The following HDAC9 variants were observed in gnomAD, a reference collection of about 807,000 sequenced individuals.
HDAC9 encodes MEF-2 interacting transcription repressor (MITR) protein.
A neutral mutation model predicts 139.4 loss-of-function variants in HDAC9; 41 were observed. The observed-to-expected ratio is 0.29, with a 90% CI of 0.23 to 0.38. The LOEUF is 0.38. HDAC9 is among the 10% of genes least tolerant of loss of function. The pLI is 1.00. For synonymous variants in HDAC9, 517 were observed against 476.2 expected (o/e 1.09, Z -1.12); for missense variants, 1,147 against 1,297.0 (o/e 0.88, Z 1.78).
intron 2 of HDAC9, among the ~76,000 whole-genome samples, chr7:18,194,956 G>A (rs1790622717): frequency 6.6e-6 from 1 of 152,078 alleles, no homozygotes; most frequent in African/African-American, 2.4e-5. Context: ...GTGTGTGTGT[G>A]TGTGTGGTGT....
intron 1 of HDAC9, among the ~76,000 whole-genome samples, chr7:18,424,470 T>G (rs1254893905): frequency 6.6e-6 from 1 of 152,228 alleles, no homozygotes; most frequent in East Asian, 1.9e-4. Context: ...TCACAGTTCT[T>G]TATTTTTACT....
chr7:18,090,731 A>G (rs984013682), intron 1 of HDAC9, among the ~76,000 whole-genome samples: 2 of 151,130 alleles, frequency 1.3e-5, no homozygotes, highest in African/African-American at 2.5e-5. Context: ...CGGGATGTCT[A>G]TTTCTCTCAT....
At chr7:18,150,077 G>GGT (rs1786655858) in intron 1 of HDAC9, among the ~76,000 whole-genome samples, 2 of 142,832 alleles carry the variant, frequency 1.4e-5, no homozygotes, top group Admixed American at 7.0e-5. Context: ...CTTTATTAGG[G>GGT]TTTTTTTTTT....
At chr7:18,353,318 C>T (rs925738253) in intron 1 of HDAC9, among the ~76,000 whole-genome samples, 32 of 151,810 alleles carry the variant, frequency 2.1e-4, no homozygotes, top group African/African-American at 7.7e-4. Flanking sequence ...CAGGGGGATA[C>T]CGTATTTAAA....
At chr7:18,431,324 T>C (rs1324550794) in intron 1 of HDAC9, among the ~76,000 whole-genome samples, 2 of 152,212 alleles carry the variant, frequency 1.3e-5, no homozygotes, top group African/African-American at 2.4e-5. Flanking sequence ...ATAGGAGATA[T>C]TCCTTGAATC....
chr7:18,806,303 C>A (rs914319403), intron 17 of HDAC9, among the ~76,000 whole-genome samples: 9 of 152,284 alleles, frequency 5.9e-5, no homozygotes, highest in African/African-American at 2.2e-4. Flanking sequence ...AGTCTTTTGA[C>A]AGGACTCAAT....
In HDAC9 at chr7:18,730,926, A is replaced by C. The variant is rs1454602318; in HGVS notation, c.1909+3169A>C. Among the ~76,000 whole-genome samples, 3 of 152,204 alleles carry C rather than the reference A, an allele frequency of 2.0e-5. No homozygotes were observed. The East Asian group carries it at 5.8e-4, about 29-fold the overall frequency. On this transcript the variant is annotated intron_variant, in intron 13 of 25. Transcript: ENST00000686413. ...TTGCACTTTGGAGCCATTATGAAGT[A>C]AAAAATAATTAAAAGCATGCACTGG...
chr7:18,607,711 G>GT (rs1273557776), intron 6 of HDAC9, among the ~76,000 whole-genome samples: 1 of 152,068 alleles, frequency 6.6e-6, no homozygotes. Flanking sequence ...TTAGATTTCT[G>GT]TTTTTTCAGT....
chr7:18,825,648 G>T (rs1795366779), intron 17 of HDAC9, among the ~76,000 whole-genome samples: 1 of 151,322 alleles, frequency 6.6e-6, no homozygotes, highest in Admixed American at 6.6e-5. Context: ...AAAAGGAGAA[G>T]AAGAAAAACG....
chr7:18,639,428 T>C (rs2129005343), intron 8 of HDAC9, among the ~76,000 whole-genome samples: 1 of 152,194 alleles, frequency 6.6e-6, no homozygotes, highest in Admixed American at 6.5e-5. Context: ...TTTCAAATGC[T>C]AAGGAAACTC....
chr7:18,472,773 T>G lies in HDAC9; in HGVS notation c.-41-23489T>G, dbSNP rs112130605. On this transcript the variant is annotated intron_variant, in intron 1 of 3. Transcript: ENST00000413509. ...CCCTTACCCTGTTTTATTTTAATGTTGCAATGATCCCTATGTAGAATGTCA... is the reference window on the plus strand; with the variant it reads ...CCCTTACCCTGTTTTATTTTAATGTGGCAATGATCCCTATGTAGAATGTCA... Among the ~76,000 whole-genome samples, 810 of 152,278 alleles carry G rather than the reference T, an allele frequency of 5.3e-3. 15 individuals are homozygous for G. The highest frequency in any genetic ancestry group is 0.017 in the African/African-American group (722 of 41,564).
intron 12 of HDAC9, among the ~76,000 whole-genome samples, chr7:18,724,924 A>T (rs933129057): frequency 5.9e-5 from 9 of 152,192 alleles, no homozygotes; most frequent in African/African-American, 2.2e-4. Context: ...ATGTGATGGG[A>T]ATGTAACAGA....
At chr7:18,893,421 T>C (rs1244099103) in intron 22 of HDAC9, among the ~76,000 whole-genome samples, 3 of 152,158 alleles carry the variant, frequency 2.0e-5, no homozygotes, top group African/African-American at 7.2e-5. Flanking sequence ...TTCACAGGTA[T>C]ACATCAGGCA....
At chr7:18,923,806 G>T (rs887415204) in intron 22 of HDAC9, among the ~76,000 whole-genome samples, 5 of 152,050 alleles carry the variant, frequency 3.3e-5, no homozygotes, top group African/African-American at 1.2e-4. Flanking sequence ...ACTTGGAAAG[G>T]TAGGAAAATC....
intron 6 of HDAC9, among the ~76,000 whole-genome samples, chr7:18,616,773 C>T (rs1345165640): frequency 6.6e-6 from 1 of 152,134 alleles, no homozygotes; most frequent in Non-Finnish European, 1.5e-5. Flanking sequence ...AGAGGACAGT[C>T]TCCTGTTGGC....
chr7:18,656,262 A>G (rs1791133839), intron 11 of HDAC9, among the ~76,000 whole-genome samples: 1 of 152,058 alleles, frequency 6.6e-6, no homozygotes, highest in African/African-American at 2.4e-5. Flanking sequence ...CTCTCTTGCT[A>G]TTAACCTAGT....
In HDAC9 at chr7:18,108,440, T is replaced by G. The variant is rs536503592; in HGVS notation, c.-97+21227T>G. 2.6e-5 allele frequency among the ~76,000 whole-genome samples: 4 copies of G among 152,318 alleles called. 1 individual carries two copies. The highest frequency in any genetic ancestry group is 6.8e-3 in the Middle Eastern group (2 of 294). ...GTAAGTACCTACTGTGTGTAAAGGC[T>G]GTACTAGGTAATGGGATGTATGAAT... On this transcript the variant is annotated intron_variant, in intron 1 of 12. Coordinates refer to the HDAC9 transcript ENST00000417496.
chr7:18,253,058 T>A, intron 2 of HDAC9, among the ~76,000 whole-genome samples: 1 of 152,232 alleles, frequency 6.6e-6, no homozygotes, highest in East Asian at 1.9e-4. Context: ...GGCCTCCAGC[T>A]CTATGTTCCT....
At chr7:18,774,581 G>T (rs1790596062) in intron 16 of HDAC9, among the ~76,000 whole-genome samples, 1 of 151,998 alleles carries the variant, frequency 6.6e-6, no homozygotes, top group African/African-American at 2.4e-5. Flanking sequence ...TTAAAACTAT[G>T]TTTAAAAATC....
Sources: allele counts gnomAD v4.1 joint callset (sites outside exome capture counted in the v4.1 genomes callset), GRCh38; gene constraint gnomAD v4.1.1; transcripts MANE v1.5; gene names NCBI Gene and HGNC (gene_info 2026-07-23, HGNC 2026-07-21).